The following PIEZO2 variants were observed in gnomAD, a reference collection of about 807,000 sequenced individuals.
PIEZO2 encodes piezo type mechanosensitive ion channel component 2, also known as piezo-type mechanosensitive ion channel component 2.
PIEZO2 carries 172 observed loss-of-function variants against 337.3 expected under a neutral mutation model. The observed-to-expected ratio is 0.51, with a 90% confidence interval of 0.45 to 0.58. The LOEUF (loss-of-function observed/expected upper bound fraction) is 0.58, where lower values mean the gene tolerates loss of function less well. Ranked by LOEUF, PIEZO2 falls within the 20% of genes least tolerant of loss-of-function variation. The pLI is 0.00. For synonymous variants in PIEZO2, 1,251 were observed against 1,228.5 expected (o/e 1.02, Z -0.38); for missense variants, 3,028 against 3,391.3 (o/e 0.89, Z 2.66).
chr18:10,870,873 A>T lies in PIEZO2; in HGVS notation c.492+380T>A, dbSNP rs532140468. Among the ~76,000 whole-genome samples the T allele has an allele frequency of 6.6e-6, 1 of 152,212 alleles. No homozygotes were observed. Among genetic ancestry groups the T allele is most frequent in the East Asian group, 1.9e-4 (1 of 5,184 alleles). On this transcript the variant is annotated intron_variant, in intron 5 of 55. Coordinates refer to ENST00000674853, the MANE Select transcript of PIEZO2 (RefSeq NM_001378183.1). The surrounding 1 kb of genome is among the most constrained non-coding windows in gnomAD (Gnocchi z 5.3). ...CAAGGAGGAACTCATTTTTTTCCCT[A>T]AAACTACCAGATGTTACTTCTTTAA...
At position 10,767,383 on chromosome 18, in the gene PIEZO2, A is replaced by G. The variant is rs1047583166; in HGVS notation, c.2946+2765T>C. 2.0e-5 allele frequency among the ~76,000 whole-genome samples: 3 copies of G among 152,146 alleles called. No individual in the cohort carries two copies. Among genetic ancestry groups the G allele is most frequent in the Admixed American group, 6.5e-5 (1 of 15,270 alleles). ...AAAAGTTGTGAAAACAAGCACCCTT[A>G]CTGAGGCCTTGGGTAAGGATGTCTG... On this transcript the variant is annotated intron_variant, in intron 21 of 55. Coordinates refer to ENST00000674853, the MANE Select transcript of PIEZO2 (RefSeq NM_001378183.1). This position sits in a 1 kb window ranked among gnomAD's most constrained non-coding sequence, Gnocchi z 4.2.
At chr18:10,739,721 C>G (rs569147073) in intron 33 of PIEZO2, 1 of 152,170 alleles carries the variant, frequency 6.6e-6, no homozygotes, top group Non-Finnish European at 1.5e-5. Context: ...AATCTTTTGT[C>G]TTTGGACTTG....
chr18:10,730,693 T>C (rs528944213), intron 36 of PIEZO2, among the ~76,000 whole-genome samples: 1 of 152,322 alleles, frequency 6.6e-6, no homozygotes, highest in East Asian at 1.9e-4. Flanking sequence ...CCCTTTTTTC[T>C]TGATTAAATT....
In PIEZO2 at chr18:11,123,058, T is replaced by C. The variant is rs576471385; in HGVS notation, c.64+25467A>G. ...CTGTCGGAATGAACATATTTGAATC[T>C]ATTAAACTAGTCTAAGAAAATGCTG... is the stretch of plus-strand genomic sequence containing the variant. On this transcript the variant is annotated intron_variant, in intron 1 of 55. Transcript: ENST00000674853. Among the ~76,000 whole-genome samples, 46 of 152,262 alleles carry C rather than the reference T, an allele frequency of 3.0e-4. No homozygotes were observed. The South Asian group carries it at 9.1e-3, about 30-fold the overall frequency.
intron 7 of PIEZO2, among the ~76,000 whole-genome samples, chr18:10,812,984 C>CTTTTTT (rs5823122): frequency 6.8e-6 from 1 of 146,282 alleles, no homozygotes; most frequent in Non-Finnish European, 1.5e-5. Flanking sequence ...TTATTTTAAA[C>CTTTTTT]TTTTTTTTTT....
intron 2 of PIEZO2, among the ~76,000 whole-genome samples, chr18:11,015,868 T>C (rs1004413031): frequency 6.6e-6 from 1 of 152,266 alleles, no homozygotes; most frequent in Non-Finnish European, 1.5e-5. Flanking sequence ...ACTGTTCACA[T>C]GCACACATGT....
In PIEZO2 at chr18:10,763,105, A is replaced by C; in HGVS notation, c.2947-7T>G. 6.5e-7 allele frequency: 1 copy of C among 1,535,736 alleles called. No individual in the cohort carries two copies. The highest frequency in any genetic ancestry group is 8.7e-7 in the Non-Finnish European group (1 of 1,146,264). Reference sequence around the variant, plus strand: ...CATAGTTGAACAGAGACACCTGAAAACGTAAAACCAGAAATGGGGACAAAA... The same window carrying C: ...CATAGTTGAACAGAGACACCTGAAACCGTAAAACCAGAAATGGGGACAAAA... On this transcript the variant is annotated splice_region_variant and splice_polypyrimidine_tract_variant and intron_variant, in intron 21 of 55. Transcript: ENST00000674853.
intron 35 of PIEZO2, among the ~76,000 whole-genome samples, chr18:10,732,506 T>C (rs910302341): frequency 1.3e-5 from 2 of 152,216 alleles, no homozygotes; most frequent in African/African-American, 4.8e-5. Flanking sequence ...AAAGAGAGAC[T>C]CAACTTTTCC....
At chr18:10,927,295 G>A (rs1180778426) in intron 3 of PIEZO2, among the ~76,000 whole-genome samples, 1 of 152,168 alleles carries the variant, frequency 6.6e-6, no homozygotes, top group Non-Finnish European at 1.5e-5. Context: ...GCTCAGCAAA[G>A]CCTCCGAGGA....
chr18:10,729,623 C>CA (rs374976832), intron 36 of PIEZO2, among the ~76,000 whole-genome samples: 41,385 of 124,656 alleles, frequency 0.33, 8,045 homozygotes, highest in East Asian at 0.55. Flanking sequence ...GACTCTGTCT[C>CA]AAAAAAAAAA....
rs2035605112 is a variant in PIEZO2, at chr18:11,003,119, T to G, written c.161-23459A>C. Among the ~76,000 whole-genome samples, 1 of 152,194 alleles carries G rather than the reference T, an allele frequency of 6.6e-6. No individual in the cohort carries two copies. The highest frequency in any genetic ancestry group is 1.5e-5 in the Non-Finnish European group (1 of 68,036). On this transcript the variant is annotated intron_variant, in intron 2 of 55. Transcript: ENST00000674853. The surrounding 1 kb of genome is among the most constrained non-coding windows in gnomAD (Gnocchi z 4.6). ...TTTGCCGTGCCCTCCCAGGTCTTCC[T>G]CCAGCAGGCAGGATGGCACTTGGAG...
intron 43 of PIEZO2, among the ~76,000 whole-genome samples, chr18:10,699,932 G>A (rs896890504): frequency 3.3e-5 from 5 of 152,110 alleles, no homozygotes; most frequent in African/African-American, 9.7e-5. Context: ...AGAGCTCCAG[G>A]CCAATTTGTC....
rs1413702548 is a variant in PIEZO2 at position 10,888,631 on chromosome 18, C to T, written c.330-17216G>A. 1.3e-5 allele frequency among the ~76,000 whole-genome samples: 2 copies of T among 152,138 alleles called. No individual in the cohort carries two copies. Among genetic ancestry groups the T allele is most frequent in the East Asian group, 1.9e-4 (1 of 5,194 alleles). ...TGTGTATCTGTGTTTTTAAAACCCA[C>T]GTGTTCATTCTGGTACTTTCAACTT... On this transcript the variant is annotated intron_variant, in intron 4 of 55. Transcript: ENST00000674853. The surrounding 1 kb of genome is among the most constrained non-coding windows in gnomAD (Gnocchi z 4.1).
rs2041507448 is a variant in PIEZO2 at position 10,850,343 on chromosome 18, G to C, written c.917+5010C>G. The stretch of plus-strand genomic sequence containing the variant: ...ATTTCAGTTTATACCATATGCATGG[G>C]GAGGGCATCGCAAACCGGTAAGCTA... On this transcript the variant is annotated intron_variant, in intron 7 of 55. Coordinates refer to ENST00000674853, the MANE Select transcript of PIEZO2 (RefSeq NM_001378183.1). The surrounding 1 kb of genome is among the most constrained non-coding windows in gnomAD (Gnocchi z 4.5). Among the ~76,000 whole-genome samples the C allele has an allele frequency of 6.6e-6, 1 of 152,126 alleles. No individual in the cohort carries two copies. The highest frequency in any genetic ancestry group is 2.4e-5 in the African/African-American group (1 of 41,436).
intron 3 of PIEZO2, among the ~76,000 whole-genome samples, chr18:10,928,195 G>C (rs1190170885): frequency 6.6e-6 from 1 of 152,142 alleles, no homozygotes; most frequent in African/African-American, 2.4e-5. Context: ...GAAAGCGGGG[G>C]AGCTATGAGG....
At chr18:10,914,570 T>C (rs546142320) in intron 3 of PIEZO2, among the ~76,000 whole-genome samples, 2 of 152,332 alleles carry the variant, frequency 1.3e-5, no homozygotes, top group Non-Finnish European at 2.9e-5. Context: ...TGTATTGTTT[T>C]TATTGTTGTA....
In PIEZO2 at chr18:11,131,476, G is replaced by A. The variant is rs944985106; in HGVS notation, c.64+17049C>T. ...GTTCACAGATAGTTCTGCACGATAT[G>A]TAGGCACCATGTGAACATGGACAGC... On this transcript the variant is annotated intron_variant, in intron 1 of 55. Coordinates refer to ENST00000674853, the MANE Select transcript of PIEZO2 (RefSeq NM_001378183.1). This position sits in a 1 kb window ranked among gnomAD's most constrained non-coding sequence, Gnocchi z 5.3. Among the ~76,000 whole-genome samples the A allele has an allele frequency of 3.3e-5, 5 of 152,196 alleles. No homozygotes were observed. The highest frequency in any genetic ancestry group is 1.2e-4 in the African/African-American group (5 of 41,454).
intron 48 of PIEZO2, among the ~76,000 whole-genome samples, chr18:10,690,373 CCTTGTCT>C (rs2034758093): frequency 6.6e-6 from 1 of 152,154 alleles, no homozygotes; most frequent in Non-Finnish European, 1.5e-5. Flanking sequence ...GAAGAATTTT[CCTTGTCT>C]CTTGACTGAC....
chr18:11,007,832 C>A (rs2145639290), intron 2 of PIEZO2, among the ~76,000 whole-genome samples: 1 of 152,146 alleles, frequency 6.6e-6, no homozygotes, highest in Middle Eastern at 3.4e-3. Flanking sequence ...CAAACAAAAT[C>A]CAGAAGGATT....
Sources: allele counts gnomAD v4.1 joint callset (sites outside exome capture counted in the v4.1 genomes callset), GRCh38; gene constraint gnomAD v4.1.1; non-coding constraint Gnocchi (gnomAD v3.1); transcripts MANE v1.5; gene names NCBI Gene and HGNC (gene_info 2026-07-23, HGNC 2026-07-21).